CCPG1: variants seen among roughly 807,000 people sequenced by gnomAD.
CCPG1 encodes the protein cell cycle progression protein 1.
In CCPG1, 46 loss-of-function variants were observed where a neutral mutation model predicts 81.3. The ratio of observed to expected loss-of-function variants is 0.57; its 90% CI spans 0.45 to 0.72. The LOEUF (loss-of-function observed/expected upper bound fraction) is 0.72. Ranked by LOEUF, CCPG1 falls within the 30% of genes least tolerant of loss-of-function variation. The pLI, the probability that CCPG1 is intolerant of heterozygous loss-of-function variation, is 0.00. For missense variants in CCPG1, 902 were observed against 937.6 expected (o/e 0.96, Z 0.50); for synonymous variants, 330 against 305.2 (o/e 1.08, Z -0.85).
In CCPG1 at chr15:55,360,017, G is replaced by A; in HGVS notation, c.1756C>T (p.Pro586Ser). 1.2e-6 allele frequency: 2 copies of A among 1,613,260 alleles called. No individual in the cohort carries two copies. The highest frequency in any genetic ancestry group is 1.7e-6 in the Non-Finnish European group (2 of 1,179,836). Residue 586 changes from proline (P) to serine (S), a missense_variant, in exon 8 of 9, where the codon CCT becomes TCT. Coordinates refer to ENST00000442196, the MANE Select transcript of CCPG1 (RefSeq NM_001204450.2). ...APTENHHNRG[P>S]TMQNDGRKEK... Reference sequence around the variant, plus strand: ...TTCCTTCCATCATTTTGCATAGTAGGGCCTCTATTATGATGGTTTTCTGTA... The same window carrying A: ...TTCCTTCCATCATTTTGCATAGTAGAGCCTCTATTATGATGGTTTTCTGTA...
chr15:55,363,149 A>T (rs1461261492), intron 7 of CCPG1, among the ~76,000 whole-genome samples: 1 of 152,064 alleles, frequency 6.6e-6, no homozygotes, highest in Non-Finnish European at 1.5e-5. Context: ...GGAGTTCAAG[A>T]CCACCCTGGC....
At chr15:55,358,913 A>C in intron 8 of CCPG1, 10 of 959,932 alleles carry the variant, frequency 1.0e-5, no homozygotes, top group Non-Finnish European at 1.1e-5. Context: ...TAACATTTGA[A>C]GATTAGGTAA....
intron 3 of CCPG1, among the ~76,000 whole-genome samples, chr15:55,381,945 A>C (rs936322166): frequency 7.9e-5 from 12 of 152,262 alleles, no homozygotes; most frequent in Non-Finnish European, 1.6e-4. Context: ...TGTAAAAGTT[A>C]GGTTTACACT....
chr15:55,357,132 A>G (rs2056095602), intron 8 of CCPG1: 1 of 979,248 alleles, frequency 1.0e-6, no homozygotes, highest in Non-Finnish European at 1.2e-6. Flanking sequence ...ACTGCCAACT[A>G]ACCCTCTCCA....
rs1214401848 is a variant in CCPG1, at chr15:55,360,815, C to T, written c.958G>A (p.Ala320Thr). 2 of 1,612,204 alleles carry T rather than the reference C, an allele frequency of 1.2e-6. No homozygotes were observed. The highest frequency in any genetic ancestry group is 1.7e-6 in the Non-Finnish European group (2 of 1,179,324). The change falls in exon 8 of 9, where the codon GCC (alanine) becomes ACC (threonine). Residue 320 changes from alanine to threonine, a missense_variant. By Grantham distance (58) the Ala-to-Thr change is moderately conservative (BLOSUM62 0). Transcript: ENST00000442196. ...LRVSLEKEEK[A>T]LSSLQEELNK... ...AACTCTTCCTGTAATGAGGATAAGGCTTTTTCTTCCTTCTCCAAGGATACT... is the reference window on the plus strand; with the variant it reads ...AACTCTTCCTGTAATGAGGATAAGGTTTTTTCTTCCTTCTCCAAGGATACT...
intron 8 of CCPG1, chr15:55,358,366 T>C (rs983844935): frequency 1.0e-6 from 1 of 985,256 alleles, no homozygotes; most frequent in African/African-American, 1.7e-5. Context: ...GGGGGACTAC[T>C]GTAATCTAAA....
At chr15:55,392,519 T>C (rs2056941644) in intron 1 of CCPG1, among the ~76,000 whole-genome samples, 1 of 149,452 alleles carries the variant, frequency 6.7e-6, no homozygotes, top group African/African-American at 2.5e-5. Flanking sequence ...CACCTGGCCA[T>C]GATTTTTTTT....
At chr15:55,370,548 T>C (rs1033386751) in intron 6 of CCPG1, among the ~76,000 whole-genome samples, 7 of 152,076 alleles carry the variant, frequency 4.6e-5, no homozygotes, top group Non-Finnish European at 7.4e-5. Flanking sequence ...CCCAGCACTC[T>C]GGGAGGCTGA....
chr15:55,368,154 C>T (rs1326178287), intron 6 of CCPG1, among the ~76,000 whole-genome samples: 3 of 152,092 alleles, frequency 2.0e-5, no homozygotes, highest in African/African-American at 4.8e-5. Flanking sequence ...GACTTTAGTA[C>T]GTATGGATTT....
intron 3 of CCPG1, among the ~76,000 whole-genome samples, chr15:55,383,689 T>C (rs2056745879): frequency 6.6e-6 from 1 of 152,228 alleles, no homozygotes; most frequent in Admixed American, 6.5e-5. Flanking sequence ...CCTTGCACTT[T>C]TATGTTACGG....
At chr15:55,395,892 A>T (rs1386625230) in intron 1 of CCPG1, among the ~76,000 whole-genome samples, 3 of 152,148 alleles carry the variant, frequency 2.0e-5, no homozygotes, top group Admixed American at 2.0e-4. Flanking sequence ...GCGGTGGCTC[A>T]CACCTGTAAT....
intron 1 of CCPG1, among the ~76,000 whole-genome samples, chr15:55,394,489 C>A (rs994036760): frequency 1.3e-5 from 2 of 152,048 alleles, no homozygotes; most frequent in African/African-American, 4.8e-5. Flanking sequence ...TCCCTCCTTC[C>A]CTTTGCCTGC....
rs779295715 is a variant in CCPG1 at position 55,360,744 on chromosome 15, T to C, written c.1029A>G (p.Thr343=). 2 of 1,611,868 alleles carry C rather than the reference T, an allele frequency of 1.2e-6. No individual in the cohort carries two copies. ...EQIRILEDKG[T]STELVKENQK... ...GATTTTCTTTAACTAATTCAGTACT[T>C]GTCCCTTTATCTTCCAATATTCTAA... Residue 343 remains threonine (T), a synonymous_variant, in exon 8 of 9, where the codon ACA becomes ACG. Coordinates refer to ENST00000442196, the MANE Select transcript of CCPG1 (RefSeq NM_001204450.2).
intron 1 of CCPG1, among the ~76,000 whole-genome samples, chr15:55,404,700 G>C (rs557002910): frequency 4.6e-5 from 7 of 152,310 alleles, no homozygotes; most frequent in Admixed American, 3.3e-4. Context: ...GGGAGGCTAA[G>C]GCAGGAAAAT....
chr15:55,385,212 C>T (rs1768518313), intron 3 of CCPG1, among the ~76,000 whole-genome samples: 1 of 152,228 alleles, frequency 6.6e-6, no homozygotes, highest in African/African-American at 2.4e-5. Flanking sequence ...GTTGCCCAGG[C>T]TGGAGTGCAA....
intron 1 of CCPG1, among the ~76,000 whole-genome samples, chr15:55,406,447 TTTG>T (rs1333842101): frequency 8.3e-5 from 11 of 132,648 alleles, no homozygotes; most frequent in South Asian, 4.6e-4. Flanking sequence ...TTTTTTTTTT[TTTG>T]TTTTTTTTTT....
intron 2 of CCPG1, among the ~76,000 whole-genome samples, chr15:55,386,828 C>G (rs985015786): frequency 6.6e-6 from 1 of 151,040 alleles, no homozygotes; most frequent in Non-Finnish European, 1.5e-5. Context: ...ACCGATGGGG[C>G]GGAGCTTGCA....
chr15:55,387,825 C>A (rs978383266), intron 2 of CCPG1, among the ~76,000 whole-genome samples: 5 of 236 alleles, frequency 0.021, no homozygotes, highest in Non-Finnish European at 0.031. Flanking sequence ...GAATTACAGG[C>A]GTGAGCACCA....
chr15:55,364,460 C>T (rs574728767), intron 7 of CCPG1, among the ~76,000 whole-genome samples: 8 of 151,016 alleles, frequency 5.3e-5, no homozygotes, highest in African/African-American at 1.9e-4. Flanking sequence ...TGTCTATATA[C>T]ACATATAAAA....
Sources: allele counts gnomAD v4.1 joint callset (sites outside exome capture counted in the v4.1 genomes callset), GRCh38; gene constraint gnomAD v4.1.1; transcripts MANE v1.5; gene names NCBI Gene and HGNC (gene_info 2026-07-23, HGNC 2026-07-21).